Variants in DNAH7 observed in about 807,000 individuals in gnomAD.
DNAH7 encodes dynein axonemal heavy chain 7.
DNAH7 carries 397 observed loss-of-function variants against 444.6 expected under a neutral mutation model. That is an observed-to-expected ratio of 0.89 (90% CI 0.82 to 0.97). The LOEUF is 0.97. Ranked by LOEUF, DNAH7 falls within the 50% of genes least tolerant of loss-of-function variation. DNAH7 has a pLI of 0.00. For synonymous variants in DNAH7, 1,636 were observed against 1,624.4 expected (o/e 1.01, Z -0.17); for missense variants, 4,902 against 4,800.8 (o/e 1.02, Z -0.62).
chr2:195,916,981 A>G (rs1432285262), intron 24 of DNAH7, among the ~76,000 whole-genome samples: 2 of 151,616 alleles, frequency 1.3e-5, no homozygotes, highest in Non-Finnish European at 2.9e-5. Context: ...GGGCGCCTGT[A>G]GTCCCAGCTA....
chr2:195,795,862 G>GA (rs1168536494), intron 56 of DNAH7: 3 of 152,264 alleles, frequency 2.0e-5, no homozygotes, highest in Non-Finnish European at 4.4e-5. Flanking sequence ...GTGACGTAAA[G>GA]AAAAAACAAA....
intron 57 of DNAH7, 102 bp from the exon 58 acceptor site, chr2:195,787,273 GC>G: frequency 2.4e-6 from 3 of 1,226,658 alleles, no homozygotes; most frequent in Non-Finnish European, 3.4e-6. Context: ...TTTATAAATA[GC>G]ATAGGGACAT....
In DNAH7 at chr2:195,960,812, TAGTTGCTGCTAA is replaced by T. The variant is rs1553582873; in HGVS notation, c.2327_2338del (p.Phe776_Asn779del). ...ATATGGCCCTTCTGTCCATGCTCTA[TAGTTGCTGCTAA>T]ATTCGACAGCAGTTTCATAAAGACG... is the stretch of plus-strand genomic sequence containing the variant. On this transcript the variant is annotated inframe_deletion, in exon 18 of 65. Coordinates refer to ENST00000312428, the MANE Select transcript of DNAH7 (RefSeq NM_018897.3). 6.2e-7 allele frequency: 1 copy of T among 1,614,044 alleles called. No homozygotes were observed. The highest frequency in any genetic ancestry group is 8.5e-7 in the Non-Finnish European group (1 of 1,180,028).
intron 19 of DNAH7, among the ~76,000 whole-genome samples, chr2:195,955,501 C>T (rs1205999036): frequency 6.6e-6 from 1 of 152,062 alleles, no homozygotes; most frequent in Non-Finnish European, 1.5e-5. Context: ...TTAAGACAAT[C>T]AAGTCTTAAG....
chr2:195,740,939 T>G, intron 63 of DNAH7, 70 bp from the exon 64 acceptor site: 2 of 930,106 alleles, frequency 2.2e-6, no homozygotes, highest in East Asian at 6.4e-5. Context: ...GAATCTGAAA[T>G]TTCTACATGT....
chr2:195,998,598 T>C (rs1249363194), intron 12 of DNAH7, among the ~76,000 whole-genome samples: 1 of 151,992 alleles, frequency 6.6e-6, no homozygotes, highest in Non-Finnish European at 1.5e-5. Flanking sequence ...TTTTCTTCAC[T>C]TGACCTTTGT....
chr2:195,841,578 G>A (rs1362985505), intron 47 of DNAH7, among the ~76,000 whole-genome samples: 1 of 151,880 alleles, frequency 6.6e-6, no homozygotes, highest in Non-Finnish European at 1.5e-5. Context: ...GCAACAAACT[G>A]ATTTAAATAA....
At chr2:195,956,202 G>C (rs559834791) in intron 19 of DNAH7, among the ~76,000 whole-genome samples, 25 of 152,106 alleles carry the variant, frequency 1.6e-4, no homozygotes, top group Non-Finnish European at 2.9e-4. Flanking sequence ...CTATTTCAGG[G>C]TAAGACATTT....
At position 195,998,072 on chromosome 2, in the gene DNAH7, G is replaced by A. The variant is rs546655768; in HGVS notation, c.1353+2632C>T. Reference sequence around the variant, plus strand: ...GTTACCAGATGATGATAATCCATACGGTTTCAGAACCATTACCCATGAATG... The same window carrying A: ...GTTACCAGATGATGATAATCCATACAGTTTCAGAACCATTACCCATGAATG... On this transcript the variant is annotated intron_variant, in intron 12 of 64. Transcript: ENST00000312428. 4.5e-4 allele frequency among the ~76,000 whole-genome samples: 69 copies of A among 152,154 alleles called. 1 individual carries two copies. The highest frequency in any genetic ancestry group is 1.3e-3 in the African/African-American group (55 of 41,504).
chr2:195,757,233 A>G (rs1356201373), intron 61 of DNAH7, among the ~76,000 whole-genome samples: 1 of 152,226 alleles, frequency 6.6e-6, no homozygotes, highest in Non-Finnish European at 1.5e-5. Flanking sequence ...TATTAAGTGA[A>G]TAAGTAATAC....
intron 15 of DNAH7, among the ~76,000 whole-genome samples, chr2:195,974,687 T>C (rs758470936): frequency 9.2e-5 from 14 of 151,620 alleles, no homozygotes; most frequent in Non-Finnish European, 1.9e-4. Context: ...AAAGAATCAC[T>C]TGATGTCCAA....
intron 19 of DNAH7, among the ~76,000 whole-genome samples, chr2:195,949,745 A>G (rs1263956896): frequency 6.6e-6 from 1 of 152,234 alleles, no homozygotes. Context: ...TGGGTTTGTC[A>G]TAAATACATT....
chr2:195,891,325 T>C (rs554503368), intron 31 of DNAH7, among the ~76,000 whole-genome samples: 1 of 152,290 alleles, frequency 6.6e-6, no homozygotes, highest in South Asian at 2.1e-4. Flanking sequence ...AGAACATTAC[T>C]GAAGAGGCAA....
In DNAH7 at chr2:195,872,432, G is replaced by C; in HGVS notation, c.6451C>G (p.Gln2151Glu). The C allele has an allele frequency of 6.2e-7, 1 of 1,604,696 alleles. No homozygotes were observed. Among genetic ancestry groups the C allele is most frequent in the South Asian group, 1.1e-5 (1 of 88,336 alleles). ...AGAGTCATTGTGCCATTTACGATTTGTGTGGTCAAATCTAGAAATTCATCT... is the reference window on the plus strand; with the variant it reads ...AGAGTCATTGTGCCATTTACGATTTCTGTGGTCAAATCTAGAAATTCATCT... Reference protein sequence around the residue: ...FPDEFLDLTTQIVNGTMTLYK... With the variant: ...FPDEFLDLTTEIVNGTMTLYK... Residue 2151 changes from glutamine to glutamate, a missense_variant, in exon 40 of 65, where the codon CAA (glutamine) becomes GAA (glutamate). Coordinates refer to ENST00000312428, the MANE Select transcript of DNAH7 (RefSeq NM_018897.3).
chr2:195,945,542 A>G (rs973092131), intron 19 of DNAH7, among the ~76,000 whole-genome samples: 2 of 152,172 alleles, frequency 1.3e-5, no homozygotes, highest in Non-Finnish European at 2.9e-5. Flanking sequence ...CCAAATCCCA[A>G]ATGAGTGTAT....
chr2:195,978,689 C>T (rs1692361166), intron 15 of DNAH7, among the ~76,000 whole-genome samples: 1 of 152,116 alleles, frequency 6.6e-6, no homozygotes, highest in Non-Finnish European at 1.5e-5. Context: ...ACACACTTCA[C>T]CTACAAAGAC....
At chr2:196,019,121 C>A in intron 9 of DNAH7, 49 bp downstream of exon 9, 2 of 1,371,288 alleles carry the variant, frequency 1.5e-6, no homozygotes, top group South Asian at 2.1e-5. Context: ...TATAGTAAAA[C>A]AACTTCCCTC....
At chr2:195,907,898 G>A (rs1687128305) in intron 25 of DNAH7, among the ~76,000 whole-genome samples, 1 of 151,968 alleles carries the variant, frequency 6.6e-6, no homozygotes, top group African/African-American at 2.4e-5. Context: ...GACCTCTAAT[G>A]CATGGCGACA....
chr2:195,963,956 C>T (rs1431481537), intron 17 of DNAH7, among the ~76,000 whole-genome samples: 1 of 152,160 alleles, frequency 6.6e-6, no homozygotes, highest in Non-Finnish European at 1.5e-5. Flanking sequence ...CCATTCTGTT[C>T]CATTGGTCTA....
Sources: gnomAD v4.1 joint callset for allele counts (sites outside exome capture counted in the v4.1 genomes callset) on GRCh38, gnomAD v4.1.1 for gene constraint, MANE v1.5 for transcripts, NCBI Gene and HGNC (gene_info 2026-07-23, HGNC 2026-07-21) for gene names.